PPARGC1A: variants seen among roughly 807,000 people sequenced by gnomAD.
The protein encoded by PPARGC1A is peroxisome proliferator-activated receptor gamma coactivator 1-alpha.
Under a neutral mutation model 88.7 loss-of-function variants are expected in PPARGC1A, and 25 were observed. That is an observed-to-expected ratio of 0.28 (90% confidence interval 0.21 to 0.39). The LOEUF (loss-of-function observed/expected upper bound fraction) is 0.39. PPARGC1A is among the 10% of genes least tolerant of loss of function. The probability of loss-of-function intolerance (pLI) is 1.00; values close to 1 mark genes in which losing one functional copy is unlikely to be tolerated. For missense variants in PPARGC1A, 880 were observed against 968.7 expected (o/e 0.91, Z 1.22); for synonymous variants, 363 against 355.6 (o/e 1.02, Z -0.24).
At chr4:24,019,949 G>A in the PPARGC1A span, among the ~76,000 whole-genome samples, 1 of 152,156 alleles carries the variant, frequency 6.6e-6, no homozygotes, top group African/African-American at 2.4e-5. Flanking sequence ...CTGGAAACAC[G>A]TGGAGTCCTT....
chr4:23,972,096 C>G, the PPARGC1A span, among the ~76,000 whole-genome samples: 690 of 152,194 alleles, frequency 4.5e-3, 7 homozygotes, highest in African/African-American at 0.016. Context: ...AGAAATTCAT[C>G]TTCCCCAAAT....
the PPARGC1A span, among the ~76,000 whole-genome samples, chr4:23,994,240 G>A: frequency 2.6e-5 from 4 of 152,072 alleles, no homozygotes; most frequent in South Asian, 2.1e-4. Flanking sequence ...GAAGTAACCC[G>A]TTAAAGGCTC....
intron 10 of PPARGC1A, among the ~76,000 whole-genome samples, chr4:23,807,737 GTGTGTGTGTGTGTGTGTA>G (rs748770211): frequency 6.8e-6 from 1 of 147,546 alleles, no homozygotes; most frequent in Non-Finnish European, 1.5e-5. Context: ...TTTTTCTTTT[GTGTGTGTGTGTGTGTGTA>G]TGTGTGTGTG....
At chr4:24,072,690 G>C in the PPARGC1A span, among the ~76,000 whole-genome samples, 3 of 151,894 alleles carry the variant, frequency 2.0e-5, no homozygotes, top group Non-Finnish European at 4.4e-5. Flanking sequence ...ATCCCTTTAG[G>C]CTAAAATAAA....
the PPARGC1A span, among the ~76,000 whole-genome samples, chr4:23,973,962 A>G: frequency 6.6e-6 from 1 of 151,910 alleles, no homozygotes; most frequent in African/African-American, 2.4e-5. Flanking sequence ...AATAAAAAAT[A>G]AAAAATAATT....
At chr4:24,129,657 A>C in the PPARGC1A span, among the ~76,000 whole-genome samples, 1 of 152,318 alleles carries the variant, frequency 6.6e-6, no homozygotes, top group East Asian at 1.9e-4. Context: ...ATATACCCAA[A>C]GGATTATAAA....
At chr4:23,932,685 G>A in the PPARGC1A span, among the ~76,000 whole-genome samples, 5 of 152,000 alleles carry the variant, frequency 3.3e-5, no homozygotes, top group South Asian at 1.0e-3. Flanking sequence ...GTATTTAGTA[G>A]AAAGACATCT....
chr4:24,128,412 T>C, the PPARGC1A span, among the ~76,000 whole-genome samples: 3 of 152,142 alleles, frequency 2.0e-5, no homozygotes, highest in African/African-American at 7.2e-5. Context: ...TTTAGATTAT[T>C]ATGATTTGGT....
chr4:24,233,528 C>T, the PPARGC1A span, among the ~76,000 whole-genome samples: 16 of 151,928 alleles, frequency 1.1e-4, no homozygotes, highest in African/African-American at 3.1e-4. Flanking sequence ...ACTCAATGGG[C>T]TCTAATAGCT....
At chr4:23,983,724 G>T in the PPARGC1A span, among the ~76,000 whole-genome samples, 2 of 152,022 alleles carry the variant, frequency 1.3e-5, no homozygotes, top group Admixed American at 6.6e-5. Flanking sequence ...GAGGAAGGGA[G>T]GGAGGAAGGG....
chr4:23,988,938 TAATATATAA>T, the PPARGC1A span, among the ~76,000 whole-genome samples: 5 of 147,410 alleles, frequency 3.4e-5, no homozygotes, highest in Admixed American at 3.4e-4. Flanking sequence ...ATATTATATA[TAATATATAA>T]AATATATACT....
the PPARGC1A span, among the ~76,000 whole-genome samples, chr4:24,339,235 TATAC>T: frequency 3.6e-3 from 396 of 110,174 alleles, no homozygotes; most frequent in East Asian, 7.9e-3. Context: ...TATATATATA[TATAC>T]ACACACACAC....
At chr4:24,278,805 C>T in the PPARGC1A span, among the ~76,000 whole-genome samples, 1 of 151,868 alleles carries the variant, frequency 6.6e-6, no homozygotes, top group African/African-American at 2.4e-5. Context: ...TTTTTTACTT[C>T]CCCCTCACCA....
At chr4:23,957,043 G>C in the PPARGC1A span, among the ~76,000 whole-genome samples, 1 of 152,078 alleles carries the variant, frequency 6.6e-6, no homozygotes, top group African/African-American at 2.4e-5. Context: ...CACTCTGACA[G>C]CAAAGCCCAC....
At chr4:24,338,721 G>A in the PPARGC1A span, among the ~76,000 whole-genome samples, 1 of 151,856 alleles carries the variant, frequency 6.6e-6, no homozygotes, top group South Asian at 2.1e-4. Context: ...TATAGGGACT[G>A]AAGACTCATC....
the PPARGC1A span, among the ~76,000 whole-genome samples, chr4:24,182,503 G>A: frequency 1.3e-5 from 2 of 152,108 alleles, no homozygotes; most frequent in African/African-American, 4.8e-5. Context: ...AATCCTTTGG[G>A]TATATACCCA....
intron 2 of PPARGC1A, among the ~76,000 whole-genome samples, chr4:23,855,307 A>G (rs540635695): frequency 6.6e-6 from 1 of 152,208 alleles, no homozygotes; most frequent in South Asian, 2.1e-4. Context: ...CTGACCCTTC[A>G]CTGTCTTATT....
chr4:24,383,128 C>T, the PPARGC1A span, among the ~76,000 whole-genome samples: 1 of 152,202 alleles, frequency 6.6e-6, no homozygotes, highest in Non-Finnish European at 1.5e-5. Context: ...AGACCTGCAG[C>T]AGAGGGGCCT....
At chr4:24,221,230 T>C in the PPARGC1A span, among the ~76,000 whole-genome samples, 7 of 152,200 alleles carry the variant, frequency 4.6e-5, no homozygotes, top group African/African-American at 1.7e-4. Context: ...CTTAAATTTT[T>C]ACTATATTTT....
Sources: allele counts gnomAD v4.1 joint callset (sites outside exome capture counted in the v4.1 genomes callset), GRCh38; gene constraint gnomAD v4.1.1; transcripts MANE v1.5; gene names NCBI Gene and HGNC (gene_info 2026-07-23, HGNC 2026-07-21).